The following CD47 variants were observed in gnomAD, a reference collection of about 807,000 sequenced individuals.
CD47 encodes leukocyte surface antigen CD47.
A neutral mutation model predicts 44.6 loss-of-function variants in CD47; 11 were observed. The ratio of observed to expected loss-of-function variants is 0.25; its 90% confidence interval spans 0.16 to 0.41. The LOEUF (loss-of-function observed/expected upper bound fraction) is 0.41, where lower values mean the gene tolerates loss of function less well. Ranked by LOEUF, CD47 falls within the 10% of genes least tolerant of loss-of-function variation. CD47 has a pLI of 1.00. For missense variants in CD47, 306 were observed against 386.7 expected (o/e 0.79, Z 1.75); for synonymous variants, 140 against 136.3 (o/e 1.03, Z -0.19).
chr3:108,073,004 C>T (rs960019466), intron 2 of CD47, among the ~76,000 whole-genome samples: 10 of 145,872 alleles, frequency 6.9e-5, no homozygotes, highest in African/African-American at 2.3e-4. Context: ...CCCCATCCCC[C>T]ACTAAACTCC....
intron 6 of CD47, among the ~76,000 whole-genome samples, chr3:108,057,871 G>C (rs561128680): frequency 3.9e-5 from 6 of 152,244 alleles, no homozygotes; most frequent in Non-Finnish European, 5.9e-5. Context: ...TATCAGTTTG[G>C]GTGCTAGAAC....
chr3:108,055,408 T>C, intron 7 of CD47: 1 of 490,220 alleles, frequency 2.0e-6, no homozygotes, highest in South Asian at 2.3e-5. Flanking sequence ...ACGCTCAAAT[T>C]TGCAACCTTA....
intron 1 of CD47, among the ~76,000 whole-genome samples, chr3:108,084,008 T>C (rs1463822114): frequency 6.6e-6 from 1 of 151,910 alleles, no homozygotes; most frequent in Non-Finnish European, 1.5e-5. Flanking sequence ...TAGTTGATTA[T>C]CAGCCTCCCA....
chr3:108,075,461 C>T (rs770852090), intron 2 of CD47, among the ~76,000 whole-genome samples: 4 of 152,148 alleles, frequency 2.6e-5, no homozygotes, highest in South Asian at 2.1e-4. Flanking sequence ...CACACACACA[C>T]GCATACACCA....
At chr3:108,049,058 T>TA (rs1014422916) in intron 10 of CD47, among the ~76,000 whole-genome samples, 15 of 146,518 alleles carry the variant, frequency 1.0e-4, no homozygotes, top group South Asian at 4.3e-4. Context: ...CCAGAGTTCT[T>TA]AAAAAAAAAA....
At chr3:108,072,819 T>C (rs890869570) in intron 2 of CD47, among the ~76,000 whole-genome samples, 14 of 152,142 alleles carry the variant, frequency 9.2e-5, no homozygotes, top group African/African-American at 3.1e-4. Context: ...TTTTCCTTAC[T>C]TCCCCTGTGC....
chr3:108,083,896 C>CTT lies in CD47; in HGVS notation c.47-3554_47-3553dup, dbSNP rs34994254. On this transcript the variant is annotated intron_variant, in intron 1 of 10. Coordinates refer to ENST00000361309, the MANE Select transcript of CD47 (RefSeq NM_001777.4). ...TACCTGTAACCCCAACTATCCACAC[C>CTT]TTTTTTTTTTTTTTGCTTCCTTTTC... 4.3e-5 allele frequency among the ~76,000 whole-genome samples: 6 copies of CTT among 138,034 alleles called. No homozygotes were observed. In the South Asian group the frequency reaches 1.4e-3, roughly 31 times the overall value. The allele number at this position is 138,034 out of a possible 152,430, so 90.6% of individuals were successfully genotyped here. A position where few individuals can be genotyped will look rare whatever the true frequency, so the allele number is the denominator to read the frequency against.
rs1053079271 is a variant in CD47, at chr3:108,086,255, TA to T, written c.46+4607del. Among the ~76,000 whole-genome samples the T allele has an allele frequency of 2.6e-3, 376 of 147,054 alleles. 3 individuals are homozygous for T. Among genetic ancestry groups the T allele is most frequent in the African/African-American group, 8.8e-3 (355 of 40,202 alleles). ...GTAAACCACTCAGATTTAATTTCAT[TA>T]AAAAAAAAACATTGACAGCAGTGTA... On this transcript the variant is annotated intron_variant, in intron 1 of 10. Coordinates refer to ENST00000361309, the MANE Select transcript of CD47 (RefSeq NM_001777.4).
intron 7 of CD47, chr3:108,054,397 C>G (rs1280243715): frequency 6.6e-6 from 1 of 152,190 alleles, no homozygotes; most frequent in Admixed American, 6.5e-5. Flanking sequence ...GGACATCAGT[C>G]AGTTGTGATC....
intron 10 of CD47, among the ~76,000 whole-genome samples, chr3:108,049,094 A>ATCTCTCTCTCTCTCTC: frequency 7.7e-6 from 1 of 129,294 alleles, no homozygotes; most frequent in Non-Finnish European, 1.6e-5. Flanking sequence ...AGGACGAAAC[A>ATCTCTCTCTCTCTCTC]TCTCTCTCTC....
chr3:108,078,449 C>T (rs540196166), intron 2 of CD47, among the ~76,000 whole-genome samples: 11 of 152,038 alleles, frequency 7.2e-5, no homozygotes, highest in African/African-American at 1.9e-4. Flanking sequence ...CTCTCAGTGA[C>T]CTGCATTACC....
rs2078729224 is a variant in CD47, at chr3:108,046,827, A to C, written c.*461T>G. ...CTCTCAGCTAATGCCATACTGCCAT[A>C]ACTGCCCAAAGCTGCTGTGAACCTG... On this transcript the variant is annotated 3_prime_UTR_variant, in exon 11 of 11. Coordinates refer to ENST00000361309, the MANE Select transcript of CD47 (RefSeq NM_001777.4). 1 of 154,302 alleles carries C rather than the reference A, an allele frequency of 6.5e-6. No individual in the cohort carries two copies. The highest frequency in any genetic ancestry group is 2.1e-4 in the South Asian group (1 of 4,850). The allele number at this position is 154,302 out of a possible 1,614,324, so 9.6% of individuals were successfully genotyped here.
At chr3:108,089,032 C>G (rs138627865) in intron 1 of CD47, among the ~76,000 whole-genome samples, 22 of 152,342 alleles carry the variant, frequency 1.4e-4, no homozygotes, top group African/African-American at 4.8e-4. Flanking sequence ...ATTCTAGATT[C>G]TAAAGTCAGT....
At chr3:108,088,538 G>T (rs1289686792) in intron 1 of CD47, among the ~76,000 whole-genome samples, 1 of 151,376 alleles carries the variant, frequency 6.6e-6, no homozygotes, top group Non-Finnish European at 1.5e-5. Context: ...TTCTTTAAGA[G>T]AAAACATTTT....
chr3:108,071,246 G>T lies in CD47; in HGVS notation c.401-64C>A, dbSNP rs1483207052. 15 of 733,698 alleles carry T rather than the reference G, an allele frequency of 2.0e-5. No individual in the cohort carries two copies. In the South Asian group the frequency reaches 2.5e-4, roughly 12 times the overall value. The allele number at this position is 733,698 out of a possible 1,614,324, so 45.4% of individuals were successfully genotyped here. A position where few individuals can be genotyped will look rare whatever the true frequency, so the allele number is the denominator to read the frequency against. ...CTATAACACTTTAAATTCTGCTAAT[G>T]GTCTATAATACATGCTTTATTATAG... is the stretch of plus-strand genomic sequence containing the variant. On this transcript the variant is annotated intron_variant, in intron 2 of 10. Transcript: ENST00000361309.
chr3:108,060,573 C>CG (rs1408405755), intron 4 of CD47, among the ~76,000 whole-genome samples, 172 bp downstream of exon 4: 1 of 152,142 alleles, frequency 6.6e-6, no homozygotes, highest in Non-Finnish European at 1.5e-5. Flanking sequence ...GCCCTGATGA[C>CG]GTCCTGATTT....
intron 2 of CD47, among the ~76,000 whole-genome samples, chr3:108,079,070 C>T (rs2079364817): frequency 6.6e-6 from 1 of 152,046 alleles, no homozygotes; most frequent in Non-Finnish European, 1.5e-5. Context: ...CATTCCTAAT[C>T]TGGTAGTAGA....
Position 108,057,500 on chromosome 3 carries a change from C to A in CD47, c.854G>T (p.Gly285Val). 6.5e-7 allele frequency: 1 copy of A among 1,546,204 alleles called. No individual in the cohort carries two copies. The highest frequency in any genetic ancestry group is 1.1e-5 in the South Asian group (1 of 89,512). Residue 285 changes from glycine to valine, a missense_variant, in exon 7 of 11, where the codon GGA becomes GTA. Around this residue, in one of 5 missense-constraint regions of CD47, gnomAD observed 131 missense variants for 135.3 expected, o/e 0.97. Coordinates refer to ENST00000361309, the MANE Select transcript of CD47 (RefSeq NM_001777.4). ...ACCCACAAATTTCATATAAACTAGT[C>A]CAAGTAATTGTGCTAGAGCTAAGAT... ...LSILALAQLL[G>V]LVYMKFVASN...
chr3:108,066,628 A>G (rs1381914435), intron 3 of CD47, among the ~76,000 whole-genome samples: 1 of 152,248 alleles, frequency 6.6e-6, no homozygotes, highest in African/African-American at 2.4e-5. Context: ...AACCCATGTG[A>G]CATTTTATAA....
Sources: allele counts gnomAD v4.1 joint callset (sites outside exome capture counted in the v4.1 genomes callset), GRCh38; gene constraint gnomAD v4.1.1; regional missense constraint gnomAD v4.1.1; transcripts MANE v1.5; gene names NCBI Gene and HGNC (gene_info 2026-07-23, HGNC 2026-07-21).